Variants in GPAT2 observed in about 807,000 individuals in gnomAD.
The protein encoded by GPAT2 is glycerol-3-phosphate acyltransferase 2, mitochondrial.
GPAT2 carries 51 observed loss-of-function variants against 71.0 expected under a neutral mutation model. That is an observed-to-expected ratio of 0.72 (90% CI 0.57 to 0.91). The LOEUF (loss-of-function observed/expected upper bound fraction) is 0.91. Ranked by LOEUF, GPAT2 falls within the 40% of genes least tolerant of loss-of-function variation. GPAT2 has a pLI of 0.00. For synonymous variants in GPAT2, 222 were observed against 290.3 expected, an observed-to-expected ratio of 0.76 and a Z score of 2.39; for missense variants, 511 against 666.0, an observed-to-expected ratio of 0.77 and a Z score of 2.56.
chr2:96,026,791 T>C lies in GPAT2; in HGVS notation c.938A>G (p.Gln313Arg). 2.2e-5 allele frequency: 1 copy of C among 45,036 alleles called. No homozygotes were observed. Among genetic ancestry groups the C allele is most frequent in the Non-Finnish European group, 3.7e-5 (1 of 27,262 alleles). The allele number at this position is 45,036 out of a possible 1,614,324, so 2.8% of individuals were successfully genotyped here. ...LGQAWVGFVV[Q>R]AVQVGIVPDA... Reference sequence around the variant, plus strand: ...TGGGACGATGCCCACCTGGACTGCCTGCACCACAAACCCCACCCAAGCCTG... The same window carrying C: ...TGGGACGATGCCCACCTGGACTGCCCGCACCACAAACCCCACCCAAGCCTG... Residue 313 changes from glutamine (Q) to arginine (R), a missense_variant, in exon 10 of 22, where the codon CAG becomes CGG. This residue lies in a region of GPAT2 where 0 missense variants were observed against 21.6 expected (regional missense o/e 0.00). Transcript: ENST00000434632.
chr2:96,026,062 T>C (rs1363925314), intron 11 of GPAT2, 50 bp from the exon 12 acceptor site: 6 of 1,605,696 alleles, frequency 3.7e-6, no homozygotes, highest in Non-Finnish European at 5.1e-6. Flanking sequence ...ACCAGGAAAC[T>C]TGCACACAGC....
In GPAT2 at chr2:96,026,207, G is replaced by C. The variant is rs760066050; in HGVS notation, c.1131C>G (p.His377Gln). 6.2e-7 allele frequency: 1 copy of C among 1,611,398 alleles called. No homozygotes were observed. The highest frequency in any genetic ancestry group is 1.7e-5 in the Admixed American group (1 of 59,882). Residue 377 changes from histidine (H) to glutamine (Q), a missense_variant, in exon 11 of 22, where the codon CAC becomes CAG. Around this residue, in one of 7 missense-constraint regions of GPAT2, gnomAD observed 79 missense variants for 111.4 expected, o/e 0.71. Transcript: ENST00000434632. ...GCSHRICSRV[H>Q]LAQPFSLQEY... is the part of the protein sequence containing the mutation. Reference sequence around the variant, plus strand: ...CCTGCAGGGAAAAGGGCTGAGCTAGGTGCACCCGGGAGCAGATCCGGTGGC... The same window carrying C: ...CCTGCAGGGAAAAGGGCTGAGCTAGCTGCACCCGGGAGCAGATCCGGTGGC...
At chr2:96,029,226 AAC>A (rs1339919106) in intron 6 of GPAT2, among the ~76,000 whole-genome samples, 1 of 38,226 alleles carries the variant, frequency 2.6e-5, no homozygotes, top group African/African-American at 8.5e-5. Flanking sequence ...GAGGGAAGGA[AAC>A]ACAGAAAGGG....
At chr2:96,024,890 C>T (rs367666707) in intron 13 of GPAT2, 47 bp from the exon 14 acceptor site, 8 of 1,601,234 alleles carry the variant, frequency 5.0e-6, no homozygotes, top group African/African-American at 4.0e-5. Context: ...TGAGGCCCAG[C>T]AGCCTGGTCC....
intron 3 of GPAT2, 111 bp downstream of exon 3, chr2:96,031,922 C>T: frequency 8.1e-7 from 1 of 1,236,798 alleles, no homozygotes; most frequent in South Asian, 1.5e-5. Context: ...GAAGCAGAGG[C>T]ATGGGGCAGG....
At chr2:96,026,097 C>T in intron 11 of GPAT2, 85 bp from the exon 12 acceptor site, 1 of 1,573,396 alleles carries the variant, frequency 6.4e-7, no homozygotes, top group Non-Finnish European at 8.7e-7. Context: ...CAAAGCTATC[C>T]CTGCAGTGGC....
At position 96,024,861 on chromosome 2, in the gene GPAT2, G is replaced by A. The variant is rs550357421; in HGVS notation, c.1358-18C>T. ...TACACTGGCTGGAGTGGGGCGGGGGGTGGAGATGCTGGTCAGGTTGAGGCC... is the reference window on the plus strand; with the variant it reads ...TACACTGGCTGGAGTGGGGCGGGGGATGGAGATGCTGGTCAGGTTGAGGCC... On this transcript the variant is annotated intron_variant, in intron 13 of 21. Coordinates refer to ENST00000434632, the MANE Select transcript of GPAT2 (RefSeq NM_001321527.2). 6.2e-6 allele frequency: 10 copies of A among 1,612,122 alleles called. No individual in the cohort carries two copies. The African/African-American group carries it at 1.3e-4, about 21-fold the overall frequency.
Position 96,023,400 on chromosome 2 carries a change from C to G in GPAT2, c.1955G>C (p.Arg652Pro), listed in dbSNP as rs1040739948. ...SRPACDTGRQ[R>P]LSRKLLWKPS... ...TTTCCACAGCAGCTTTCTGCTCAAT[C>G]GCTGTCGCCCTGTGTCACAGGCTGG... The change falls in exon 18 of 22, where the codon CGA (arginine) becomes CCA (proline). Residue 652 changes from arginine to proline, a missense_variant. Around this residue, in one of 7 missense-constraint regions of GPAT2, gnomAD observed 295 missense variants for 305.5 expected, o/e 0.97. Coordinates refer to ENST00000434632, the MANE Select transcript of GPAT2 (RefSeq NM_001321527.2). The G allele has an allele frequency of 6.2e-7, 1 of 1,614,156 alleles. No homozygotes were observed. Among genetic ancestry groups the G allele is most frequent in the Non-Finnish European group, 8.5e-7 (1 of 1,180,034 alleles).
chr2:96,025,918 C>T lies in GPAT2; in HGVS notation c.1238+12G>A, dbSNP rs767975001. 1.9e-6 allele frequency: 3 copies of T among 1,611,666 alleles called. No individual in the cohort carries two copies. Among genetic ancestry groups the T allele is most frequent in the East Asian group, 4.5e-5 (2 of 44,882 alleles). On this transcript the variant is annotated intron_variant, in intron 12 of 21. Coordinates refer to ENST00000434632, the MANE Select transcript of GPAT2 (RefSeq NM_001321527.2). The stretch of plus-strand genomic sequence containing the variant: ...CCTTGCCCCCTGAGACCCCACGCTC[C>T]TGTGCCCCTACCATTGGCCCAGCAC...
rs746504005 is a variant in GPAT2, at chr2:96,024,439, C to T, written c.1675G>A (p.Glu559Lys). ...SAELLPVFLS[E>K]AVGACAVRGL... ...CCTCAAGACTCACCGCCCACAGCCT[C>T]GCTCAGGAAGACGGGCAGCAGCTCA... Residue 559 changes from glutamate (E) to lysine (K), a missense_variant, in exon 15 of 22, where the codon GAG becomes AAG. By Grantham distance (56) the Glu-to-Lys change is moderately conservative. This residue lies in a region of GPAT2 where 295 missense variants were observed against 305.5 expected (regional missense o/e 0.97). Coordinates refer to ENST00000434632, the MANE Select transcript of GPAT2 (RefSeq NM_001321527.2). 8 of 1,613,712 alleles carry T rather than the reference C, an allele frequency of 5.0e-6. No individual in the cohort carries two copies. In the African/African-American group the frequency reaches 5.3e-5, roughly 11 times the overall value.
At chr2:96,022,328 CAT>C (rs1679765451) in intron 21 of GPAT2, 53 bp from the exon 22 acceptor site, 2 of 1,514,232 alleles carry the variant, frequency 1.3e-6, no homozygotes, top group Admixed American at 2.3e-5. Flanking sequence ...ACTGTGTACA[CAT>C]GGCCCAGGGG....
rs547386788 is a variant in GPAT2 at position 96,022,179 on chromosome 2, G to A, written c.2386C>T (p.Arg796Trp). Reference sequence around the variant, plus strand: ...CAGTTCTAGCTACAAATGAACTGCCGGATGAACTGTTCTAGTTTTTCCTGA... The same window carrying A: ...CAGTTCTAGCTACAAATGAACTGCCAGATGAACTGTTCTAGTTTTTCCTGA... The part of the protein sequence containing the change: ...DNQEKLEQFI[R>W]QFICS Residue 796 changes from arginine (R) to tryptophan (W), a missense_variant, in exon 22 of 22, where the codon CGG becomes TGG. Transcript: ENST00000434632. 91 of 1,610,826 alleles carry A rather than the reference G, an allele frequency of 5.6e-5. 1 individual carries two copies. Among genetic ancestry groups the A allele is most frequent in the African/African-American group, 9.3e-5 (7 of 74,960 alleles).
chr2:96,026,238 C>T lies in GPAT2; in HGVS notation c.1100G>A (p.Gly367Asp), dbSNP rs1398798842. ...CCGGGAGCAGATCCGGTGGCTGCAGCCCCAGCGGCTCCACAAGCTACGTAG... is the reference window on the plus strand; with the variant it reads ...CCGGGAGCAGATCCGGTGGCTGCAGTCCCAGCGGCTCCACAAGCTACGTAG... ...AVLRSLWSRWGCSHRICSRVH... is the reference protein window; with the variant it reads ...AVLRSLWSRWDCSHRICSRVH... The change falls in exon 11 of 22, where the codon GGC (glycine) becomes GAC (aspartate). Residue 367 changes from glycine (G) to aspartate (D), a missense_variant. By Grantham distance (94) the Gly-to-Asp change is moderately conservative. Coordinates refer to ENST00000434632, the MANE Select transcript of GPAT2 (RefSeq NM_001321527.2). 12 of 1,611,042 alleles carry T rather than the reference C, an allele frequency of 7.4e-6. No individual in the cohort carries two copies. Among genetic ancestry groups the T allele is most frequent in the Non-Finnish European group, 1.0e-5 (12 of 1,178,916 alleles).
intron 13 of GPAT2, 38 bp from the exon 14 acceptor site, chr2:96,024,881 G>A (rs1160813721): frequency 6.2e-7 from 1 of 1,606,982 alleles, no homozygotes; most frequent in Non-Finnish European, 8.5e-7. Flanking sequence ...TGGTCAGGTT[G>A]AGGCCCAGCA....
intron 13 of GPAT2, 62 bp downstream of exon 13, chr2:96,025,423 G>A: frequency 6.5e-7 from 1 of 1,535,280 alleles, no homozygotes; most frequent in Admixed American, 2.2e-5. Flanking sequence ...GTGACTGGCT[G>A]ACCCCGAGAG....
In GPAT2 at chr2:96,026,009, A is replaced by G. The variant is rs766959188; in HGVS notation, c.1159T>C (p.Tyr387His). The change falls in exon 12 of 22, where the codon TAC becomes CAC. Residue 387 changes from tyrosine to histidine, a missense_variant. Physicochemically the swap from Tyr to His is moderately conservative, Grantham distance 83 (BLOSUM62 2). This residue lies in a region of GPAT2 where 79 missense variants were observed against 111.4 expected (regional missense o/e 0.71). Coordinates refer to ENST00000434632, the MANE Select transcript of GPAT2 (RefSeq NM_001321527.2). The part of the protein sequence containing the change: ...HLAQPFSLQE[Y>H]IVSARSCWGG... The stretch of plus-strand genomic sequence containing the variant: ...CAGCAGCTTCTGGCACTGACGATGT[A>G]TTCCTGCCCAAGAGAAGGCTCTTAG... 1.2e-6 allele frequency: 2 copies of G among 1,612,756 alleles called. No individual in the cohort carries two copies. Among genetic ancestry groups the G allele is most frequent in the South Asian group, 1.1e-5 (1 of 91,034 alleles).
At position 96,022,261 on chromosome 2, in the gene GPAT2, C is replaced by T. The variant is rs761206770; in HGVS notation, c.2304G>A (p.Thr768=). 16 of 1,598,776 alleles carry T rather than the reference C, an allele frequency of 1.0e-5. No individual in the cohort carries two copies. In the South Asian group the frequency reaches 1.5e-4, roughly 15 times the overall value. The change falls in exon 22 of 22, where the codon ACG becomes ACA. Residue 768 remains threonine (T), a synonymous_variant. Transcript: ENST00000434632. ...TFRDLGVLQQ[T]PSPAGPRLHL... The stretch of plus-strand genomic sequence containing the variant: ...GGAGCCTGGGGCCTGCAGGGCTCGG[C>T]GTCTGCTGCAGAACCTGGGCCATGG...
In GPAT2 at chr2:96,022,126, G is replaced by A; in HGVS notation, c.*33C>T. 2 of 1,606,190 alleles carry A rather than the reference G, an allele frequency of 1.2e-6. No homozygotes were observed. The highest frequency in any genetic ancestry group is 1.7e-6 in the Non-Finnish European group (2 of 1,177,050). On this transcript the variant is annotated 3_prime_UTR_variant, in exon 22 of 22. Coordinates refer to ENST00000434632, the MANE Select transcript of GPAT2 (RefSeq NM_001321527.2). ...TAGGACACAGCTGTGTTCTGGGGCT[G>A]AGAAGTCTCAGCACAGGCTCCTCCT...
In GPAT2 at chr2:96,024,457, G is replaced by A. The variant is rs1680130257; in HGVS notation, c.1657C>T (p.Leu553=). 6.2e-7 allele frequency: 1 copy of A among 1,613,946 alleles called. No individual in the cohort carries two copies. The highest frequency in any genetic ancestry group is 8.5e-7 in the Non-Finnish European group (1 of 1,179,922). The part of the protein sequence containing the change: ...THLAQLSAEL[L]PVFLSEAVGA... ...ACAGCCTCGCTCAGGAAGACGGGCA[G>A]CAGCTCAGCACTCAGTTGTGCCAGG... The change falls in exon 15 of 22, where the codon CTG becomes TTG. Residue 553 remains leucine, a synonymous_variant. Coordinates refer to ENST00000434632, the MANE Select transcript of GPAT2 (RefSeq NM_001321527.2).
Sources: allele counts gnomAD v4.1 joint callset (sites outside exome capture counted in the v4.1 genomes callset), GRCh38; gene constraint gnomAD v4.1.1; regional missense constraint gnomAD v4.1.1; transcripts MANE v1.5; gene names NCBI Gene and HGNC (gene_info 2026-07-23, HGNC 2026-07-21).